The following OR51S1 variants were observed in gnomAD, a reference collection of about 807,000 sequenced individuals.
The protein encoded by OR51S1 is olfactory receptor 51S1.
In OR51S1, 1 loss-of-function variant was observed where a neutral mutation model predicts 0.3. The ratio of observed to expected loss-of-function variants is 3.51; its 90% CI spans 1.25 to 16.67. The LOEUF (loss-of-function observed/expected upper bound fraction) is 16.67. Among genes scored for constraint, OR51S1 ranks in the 30% most tolerant of loss-of-function variants. OR51S1 has a pLI of 0.12. For missense variants in OR51S1, 479 were observed against 393.8 expected, an observed-to-expected ratio of 1.22 and a Z score of -1.83; for synonymous variants, 180 against 159.4, an observed-to-expected ratio of 1.13 and a Z score of -0.97.
chr11:4,848,571 G>T lies in OR51S1; in HGVS notation c.638C>A (p.Ala213Asp). ...AAYSLFVVLS[A>D]MGLDPLLIFF... ...AATAAGCAGGGGGTCCAAACCCATG[G>T]CTGAAAGAACCACAAATAGGCTGTA... is the stretch of plus-strand genomic sequence containing the variant. Residue 213 changes from alanine (A) to aspartate (D), a missense_variant, in exon 1 of 1, where the codon GCC (alanine) becomes GAC (aspartate). By Grantham distance (126) the Ala-to-Asp change is moderately radical. Transcript: ENST00000322101. 6.2e-7 allele frequency: 1 copy of T among 1,608,488 alleles called. No individual in the cohort carries two copies. Among genetic ancestry groups the T allele is most frequent in the Non-Finnish European group, 8.5e-7 (1 of 1,177,562 alleles).
chr11:4,849,138 C>G lies in OR51S1; in HGVS notation c.71G>C (p.Gly24Ala). Residue 24 changes from glycine to alanine, a missense_variant, in exon 1 of 1, where the codon GGC becomes GCC. Transcript: ENST00000322101. Reference sequence around the variant, plus strand: ...GGGTGCACCTGATAGGCCTGGCATGCCCACCAGCAAGAAGGTGGGGGCCAT... The same window carrying G: ...GGGTGCACCTGATAGGCCTGGCATGGCCACCAGCAAGAAGGTGGGGGCCAT... ...TSMAPTFLLV[G>A]MPGLSGAPSW... 1.9e-6 allele frequency: 3 copies of G among 1,614,006 alleles called. No individual in the cohort carries two copies. Among genetic ancestry groups the G allele is most frequent in the East Asian group, 4.5e-5 (2 of 44,862 alleles).
chr11:4,848,629 G>A lies in OR51S1; in HGVS notation c.580C>T (p.Arg194Cys), dbSNP rs142743963. Residue 194 changes from arginine to cysteine, a missense_variant, in exon 1 of 1, where the codon CGT becomes TGT. By Grantham distance (180) the Arg-to-Cys change is radical. Transcript: ENST00000322101. ...CCCCAAGCTTCTGGGCAGGCCAAAC[G>A]AGCCACATCTGGATGCAAGCAATAA... ...HSYCLHPDVARLACPEAWGAA... is the reference protein window; with the variant it reads ...HSYCLHPDVACLACPEAWGAA... 9.2e-5 allele frequency: 148 copies of A among 1,611,002 alleles called. No homozygotes were observed. The highest frequency in any genetic ancestry group is 1.2e-4 in the Non-Finnish European group (143 of 1,178,524).
chr11:4,849,045 C>T lies in OR51S1; in HGVS notation c.164G>A (p.Trp55Ter). 1.2e-6 allele frequency: 2 copies of T among 1,614,018 alleles called. No homozygotes were observed. The highest frequency in any genetic ancestry group is 4.5e-5 in the East Asian group (2 of 44,870). ...LSALGNGTILWIIALQPALHR... is the reference protein window; with the variant it reads ...LSALGNGTIL ...CAGGGCGGGCTGCAGGGCAATGATCCAGAGGATGGTGCCATTTCCCAGTGC... is the reference window on the plus strand; with the variant it reads ...CAGGGCGGGCTGCAGGGCAATGATCTAGAGGATGGTGCCATTTCCCAGTGC... The change falls in exon 1 of 1, where the codon TGG becomes TAG. Residue 55 changes from tryptophan to a stop codon, truncating the protein, a stop_gained. Transcript: ENST00000322101. LOFTEE classifies it low-confidence loss of function (END_TRUNC).
At position 4,849,005 on chromosome 11, in the gene OR51S1, G is replaced by A. The variant is rs1480181943; in HGVS notation, c.204C>T (p.His68=). The part of the protein sequence containing the change: ...ALQPALHRPM[H]FFLFLLSVSD... ...ACACACTAAGCAAGAAGAGGAAGAA[G>A]TGCATTGGGCGGTGCAGGGCGGGCT... The change falls in exon 1 of 1, where the codon CAC becomes CAT. Residue 68 remains histidine, a synonymous_variant. Transcript: ENST00000322101. The A allele has an allele frequency of 1.2e-6, 2 of 1,614,012 alleles. No homozygotes were observed. Among genetic ancestry groups the A allele is most frequent in the African/African-American group, 1.3e-5 (1 of 74,926 alleles).
Position 4,849,158 on chromosome 11 carries a change from G to T in OR51S1, c.51C>A (p.Ala17=), listed in dbSNP as rs766060488. ...GCATGCCCACCAGCAAGAAGGTGGGGGCCATTGAAGTGCTGCTATTGGGGG... is the reference window on the plus strand; with the variant it reads ...GCATGCCCACCAGCAAGAAGGTGGGTGCCATTGAAGTGCTGCTATTGGGGG... ...QIAPNSSTSM[A]PTFLLVGMPG... Residue 17 remains alanine (A), a synonymous_variant, in exon 1 of 1, where the codon GCC becomes GCA. Transcript: ENST00000322101. The T allele has an allele frequency of 6.2e-7, 1 of 1,613,748 alleles. No homozygotes were observed. The highest frequency in any genetic ancestry group is 8.5e-7 in the Non-Finnish European group (1 of 1,179,856).
Position 4,848,284 on chromosome 11 carries a change from T to C in OR51S1, c.925A>G (p.Arg309Gly). ...CTGGGCTGCAACCTGTTGAGTATTC[T>C]CTTTCTAATCTCCTTCATCTTGACA... ...YSVKMKEIRKRILNRLQPRKV... is the reference protein window; with the variant it reads ...YSVKMKEIRKGILNRLQPRKV... The change falls in exon 1 of 1, where the codon AGA (arginine) becomes GGA (glycine). Residue 309 changes from arginine (R) to glycine (G), a missense_variant. Physicochemically the swap from Arg to Gly is moderately radical, Grantham distance 125 (BLOSUM62 -2). Coordinates refer to ENST00000322101, the MANE Select transcript of OR51S1 (RefSeq NM_001004758.1). The C allele has an allele frequency of 6.2e-7, 1 of 1,613,808 alleles. No individual in the cohort carries two copies. Among genetic ancestry groups the C allele is most frequent in the South Asian group, 1.1e-5 (1 of 91,024 alleles).
Position 4,848,964 on chromosome 11 carries a change from AC to A in OR51S1, c.244del (p.Val82SerfsTer4). The A allele has an allele frequency of 6.2e-7, 1 of 1,614,148 alleles. No individual in the cohort carries two copies. The highest frequency in any genetic ancestry group is 8.5e-7 in the Non-Finnish European group (1 of 1,180,020). ...FLLSVSDIGL[V>X]TALMPTLLGI... ...CAGCAGTGTGGGCATCAGGGCAGTGACCAATCCAATATCAGACACACTAAGC... is the reference window on the plus strand; with the variant it reads ...CAGCAGTGTGGGCATCAGGGCAGTGACAATCCAATATCAGACACACTAAGC... On this transcript the variant is annotated frameshift_variant, in exon 1 of 1. Transcript: ENST00000322101. LOFTEE classifies it low-confidence loss of function (END_TRUNC).
Position 4,848,252 on chromosome 11 carries a change from C to A in OR51S1, c.957G>T (p.Val319=). Residue 319 remains valine, a synonymous_variant, in exon 1 of 1, where the codon GTG becomes GTT. Transcript: ENST00000322101. ...RILNRLQPRK[V]GGAQ is the part of the protein sequence containing the mutation. The stretch of plus-strand genomic sequence containing the variant: ...GACATCCTACTCACTGAGCACCACC[C>A]ACCTTCCTGGGCTGCAACCTGTTGA... 6.2e-7 allele frequency: 1 copy of A among 1,606,660 alleles called. No individual in the cohort carries two copies. Among genetic ancestry groups the A allele is most frequent in the Non-Finnish European group, 8.5e-7 (1 of 1,176,038 alleles).
chr11:4,848,306 G>C lies in OR51S1; in HGVS notation c.903C>G (p.Val301=), dbSNP rs747591825. The change falls in exon 1 of 1, where the codon GTC becomes GTG. Residue 301 remains valine, a synonymous_variant. Coordinates refer to ENST00000322101, the MANE Select transcript of OR51S1 (RefSeq NM_001004758.1). ...TTCTCTTTCTAATCTCCTTCATCTT[G>C]ACACTATAGAGAATAGGGTTTATCA... ...PPLINPILYS[V]KMKEIRKRIL... 6.2e-7 allele frequency: 1 copy of C among 1,613,822 alleles called. No homozygotes were observed. The highest frequency in any genetic ancestry group is 8.5e-7 in the Non-Finnish European group (1 of 1,179,928).
rs373477933 is a variant in OR51S1, at chr11:4,849,159, G to A, written c.50C>T (p.Ala17Val). ...CATGCCCACCAGCAAGAAGGTGGGG[G>A]CCATTGAAGTGCTGCTATTGGGGGC... ...QIAPNSSTSMAPTFLLVGMPG... is the reference protein window; with the variant it reads ...QIAPNSSTSMVPTFLLVGMPG... The change falls in exon 1 of 1, where the codon GCC (alanine) becomes GTC (valine). Residue 17 changes from alanine to valine, a missense_variant. Ala to Val is a moderately conservative substitution (Grantham distance 64). Transcript: ENST00000322101. 1.7e-5 allele frequency: 28 copies of A among 1,613,632 alleles called. No homozygotes were observed. Among genetic ancestry groups the A allele is most frequent in the Non-Finnish European group, 2.3e-5 (27 of 1,179,842 alleles).
chr11:4,848,717 A>G lies in OR51S1; in HGVS notation c.492T>C (p.His164=). Residue 164 remains histidine, a synonymous_variant, in exon 1 of 1, where the codon CAT becomes CAC. Coordinates refer to ENST00000322101, the MANE Select transcript of OR51S1 (RefSeq NM_001004758.1). ...LAISFRCLGL[H]LPLPFLLAYM... The stretch of plus-strand genomic sequence containing the variant: ...AGGCCAGCAGGAATGGCAGGGGCAG[A>G]TGGAGACCCAGGCATCGAAAAGAAA... The G allele has an allele frequency of 2.5e-6, 4 of 1,614,094 alleles. No individual in the cohort carries two copies. The highest frequency in any genetic ancestry group is 2.2e-5 in the East Asian group (1 of 44,880).
In OR51S1 at chr11:4,848,498, G is replaced by A. The variant is rs866084482; in HGVS notation, c.711C>T (p.Ser237=). ...LIGKVLQGVE[S]REDRWKAGQT... ...GACCAGCCTTCCAGCGATCCTCTCT[G>A]GACTCCACACCTTGCAACACCTTGC... Residue 237 remains serine (S), a synonymous_variant, in exon 1 of 1, where the codon TCC becomes TCT. Coordinates refer to ENST00000322101, the MANE Select transcript of OR51S1 (RefSeq NM_001004758.1). 1 of 1,613,670 alleles carries A rather than the reference G, an allele frequency of 6.2e-7. No individual in the cohort carries two copies. The highest frequency in any genetic ancestry group is 8.5e-7 in the Non-Finnish European group (1 of 1,179,820).
At position 4,848,902 on chromosome 11, in the gene OR51S1, A is replaced by C; in HGVS notation, c.307T>G (p.Ser103Ala). Residue 103 changes from serine (S) to alanine (A), a missense_variant, in exon 1 of 1, where the codon TCA (serine) becomes GCA (alanine). Transcript: ENST00000322101. ...AAAACCATCTGTAGAAGGCAGGCTG[A>C]GGCAGGGACAGTGTGAGCACCAGCA... Reference protein sequence around the residue: ...ALAGAHTVPASACLLQMVFIH... With the variant: ...ALAGAHTVPAAACLLQMVFIH... 3 of 1,614,170 alleles carry C rather than the reference A, an allele frequency of 1.9e-6. No homozygotes were observed. Among genetic ancestry groups the C allele is most frequent in the South Asian group, 1.1e-5 (1 of 91,080 alleles).
rs753572804 is a variant in OR51S1, at chr11:4,848,364, A to G, written c.845T>C (p.Leu282Pro). The change falls in exon 1 of 1, where the codon CTT (leucine) becomes CCT (proline). Residue 282 changes from leucine to proline, a missense_variant. Transcript: ENST00000322101. ...ELPITQHTHT[L>P]LSYVHFLLPP... ...AAGAAGGAAATGGACATAGGATAGA[A>G]GAGTATGGGTATGCTGAGTGATTGG... The G allele has an allele frequency of 6.2e-7, 1 of 1,614,168 alleles. No individual in the cohort carries two copies. The highest frequency in any genetic ancestry group is 8.5e-7 in the Non-Finnish European group (1 of 1,180,028).
chr11:4,848,564 A>G lies in OR51S1; in HGVS notation c.645T>C (p.Gly215=), dbSNP rs770970958. ...AGAAGAAAATAAGCAGGGGGTCCAA[A>G]CCCATGGCTGAAAGAACCACAAATA... ...YSLFVVLSAM[G]LDPLLIFFSY... Residue 215 remains glycine (G), a synonymous_variant, in exon 1 of 1, where the codon GGT becomes GGC. Transcript: ENST00000322101. 1 of 1,609,762 alleles carries G rather than the reference A, an allele frequency of 6.2e-7. No individual in the cohort carries two copies. Among genetic ancestry groups the G allele is most frequent in the Admixed American group, 1.7e-5 (1 of 59,570 alleles).
rs771058907 is a variant in OR51S1, at chr11:4,848,618, G to T, written c.591C>A (p.Cys197Ter). The T allele has an allele frequency of 6.2e-7, 1 of 1,609,258 alleles. No homozygotes were observed. The change falls in exon 1 of 1, where the codon TGC becomes TGA. Residue 197 changes from cysteine (C) to a stop codon, truncating the protein, a stop_gained. Transcript: ENST00000322101. LOFTEE classifies it low-confidence loss of function (END_TRUNC). Reference sequence around the variant, plus strand: ...TGTAGGCTGCACCCCAAGCTTCTGGGCAGGCCAAACGAGCCACATCTGGAT... The same window carrying T: ...TGTAGGCTGCACCCCAAGCTTCTGGTCAGGCCAAACGAGCCACATCTGGAT... Reference protein sequence around the residue: ...CLHPDVARLACPEAWGAAYSL... With the variant: ...CLHPDVARLA
chr11:4,849,047 G>C lies in OR51S1; in HGVS notation c.162C>G (p.Leu54=), dbSNP rs1849932457. ...GGGCGGGCTGCAGGGCAATGATCCAGAGGATGGTGCCATTTCCCAGTGCAG... is the reference window on the plus strand; with the variant it reads ...GGGCGGGCTGCAGGGCAATGATCCACAGGATGGTGCCATTTCCCAGTGCAG... ...LLSALGNGTI[L]WIIALQPALH... Residue 54 remains leucine, a synonymous_variant, in exon 1 of 1, where the codon CTC becomes CTG. Coordinates refer to ENST00000322101, the MANE Select transcript of OR51S1 (RefSeq NM_001004758.1). 1.9e-6 allele frequency: 3 copies of C among 1,614,114 alleles called. No homozygotes were observed. Among genetic ancestry groups the C allele is most frequent in the African/African-American group, 2.7e-5 (2 of 75,032 alleles).
rs1037514049 is a variant in OR51S1 at position 4,848,869 on chromosome 11, C to A, written c.340G>T (p.Val114Phe). ...ACAGAGGACTCCATGACAGAAAAGA[C>A]ATGGATAAAAACCATCTGTAGAAGG... ...ACLLQMVFIH[V>F]FSVMESSVLL... The change falls in exon 1 of 1, where the codon GTC becomes TTC. Residue 114 changes from valine to phenylalanine, a missense_variant. Val to Phe is a conservative substitution (Grantham distance 50). Transcript: ENST00000322101. 6.2e-7 allele frequency: 1 copy of A among 1,614,174 alleles called. No individual in the cohort carries two copies. The highest frequency in any genetic ancestry group is 1.7e-5 in the Admixed American group (1 of 60,020).
Position 4,848,518 on chromosome 11 carries a change from C to A in OR51S1, c.691G>T (p.Val231Leu), listed in dbSNP as rs751099845. ...IFFSYGLIGKVLQGVESREDR... is the reference protein window; with the variant it reads ...IFFSYGLIGKLLQGVESREDR... The stretch of plus-strand genomic sequence containing the variant: ...TCTCTGGACTCCACACCTTGCAACA[C>A]CTTGCCAATCAGGCCATAGGAGAAG... Residue 231 changes from valine (V) to leucine (L), a missense_variant, in exon 1 of 1, where the codon GTG becomes TTG. By Grantham distance (32) the Val-to-Leu change is conservative. Transcript: ENST00000322101. 2 of 1,613,434 alleles carry A rather than the reference C, an allele frequency of 1.2e-6. No homozygotes were observed. Among genetic ancestry groups the A allele is most frequent in the South Asian group, 2.2e-5 (2 of 90,972 alleles).
Sources: gnomAD v4.1 joint callset for allele counts on GRCh38, gnomAD v4.1.1 for gene constraint, MANE v1.5 for transcripts, NCBI Gene and HGNC (gene_info 2026-07-23, HGNC 2026-07-21) for gene names.